ASAP2: variants seen among roughly 807,000 people sequenced by gnomAD.
The protein encoded by ASAP2 is arf-GAP with SH3 domain, ANK repeat and PH domain-containing protein 2.
In ASAP2, 45 loss-of-function variants were observed where a neutral mutation model predicts 131.4. That is an observed-to-expected ratio of 0.34 (90% CI 0.27 to 0.44). The LOEUF (loss-of-function observed/expected upper bound fraction) is 0.44, where lower values mean the gene tolerates loss of function less well. Ranked by LOEUF, ASAP2 falls within the 20% of genes least tolerant of loss-of-function variation. The probability of loss-of-function intolerance (pLI) is 1.00; values close to 1 mark genes in which losing one functional copy is unlikely to be tolerated. For missense variants in ASAP2, 1,011 were observed against 1,297.0 expected (o/e 0.78, Z 3.39); for synonymous variants, 510 against 503.0 (o/e 1.01, Z -0.19).
chr2:9,284,282 T>TC (rs1236732884), intron 2 of ASAP2, among the ~76,000 whole-genome samples: 2 of 152,214 alleles, frequency 1.3e-5, no homozygotes, highest in Non-Finnish European at 2.9e-5. Flanking sequence ...ACTGTTTTGT[T>TC]CAGCTACAAA....
At chr2:9,262,892 C>G (rs948327918) in intron 1 of ASAP2, among the ~76,000 whole-genome samples, 1 of 152,198 alleles carries the variant, frequency 6.6e-6, no homozygotes, top group African/African-American at 2.4e-5. Context: ...AAAGAAAACT[C>G]GGCTATCTTA....
chr2:9,295,008 C>A (rs542725001), intron 2 of ASAP2, among the ~76,000 whole-genome samples: 26 of 152,258 alleles, frequency 1.7e-4, no homozygotes, highest in Non-Finnish European at 3.1e-4. Flanking sequence ...ATGTCTTGAC[C>A]GCTAATTTTG....
intron 1 of ASAP2, among the ~76,000 whole-genome samples, chr2:9,246,790 A>G (rs910363862): frequency 1.3e-5 from 2 of 152,004 alleles, no homozygotes; most frequent in Non-Finnish European, 2.9e-5. Flanking sequence ...TTCCTGGGAT[A>G]CTCCTGGCTT....
chr2:9,258,553 A>G (rs1242544543), intron 1 of ASAP2, among the ~76,000 whole-genome samples: 3 of 152,140 alleles, frequency 2.0e-5, no homozygotes, highest in African/African-American at 7.2e-5. Flanking sequence ...GACAGTCTCC[A>G]TGGTGCCCCC....
chr2:9,345,391 A>G (rs1307481262), intron 11 of ASAP2, among the ~76,000 whole-genome samples: 2 of 152,190 alleles, frequency 1.3e-5, no homozygotes, highest in South Asian at 2.1e-4. Flanking sequence ...TGTTGAGCTT[A>G]TGAAAAGCCG....
intron 19 of ASAP2, among the ~76,000 whole-genome samples, chr2:9,380,182 GTT>G (rs1196071551): frequency 2.7e-5 from 4 of 146,142 alleles, no homozygotes; most frequent in African/African-American, 1.1e-4. Context: ...TGCTTCAACA[GTT>G]TTTGTTTTTG....
At chr2:9,215,843 G>A (rs775689422) in intron 1 of ASAP2, among the ~76,000 whole-genome samples, 6 of 152,124 alleles carry the variant, frequency 3.9e-5, no homozygotes, top group Non-Finnish European at 8.8e-5. Context: ...GTTTAGAAGC[G>A]CTCTTGGCGG....
intron 24 of ASAP2, 123 bp from the exon 25 acceptor site, chr2:9,399,900 C>G (rs1676479094): frequency 1.1e-6 from 1 of 916,084 alleles, no homozygotes; most frequent in Non-Finnish European, 1.7e-6. Context: ...AGCTAAGTGA[C>G]AGTGGAGGAA....
At chr2:9,345,686 G>A (rs1319756966) in intron 11 of ASAP2, among the ~76,000 whole-genome samples, 1 of 152,022 alleles carries the variant, frequency 6.6e-6, no homozygotes, top group African/African-American at 2.4e-5. Context: ...GCAGCCTTGG[G>A]CGTGTGAGTG....
At chr2:9,247,270 A>T (rs1334563440) in intron 1 of ASAP2, among the ~76,000 whole-genome samples, 1 of 152,044 alleles carries the variant, frequency 6.6e-6, no homozygotes, top group Non-Finnish European at 1.5e-5. Context: ...ATGAGGATGA[A>T]CTCTTCGCTC....
intron 9 of ASAP2, among the ~76,000 whole-genome samples, chr2:9,336,946 A>G (rs1255261344): frequency 2.0e-5 from 3 of 152,240 alleles, no homozygotes; most frequent in Non-Finnish European, 4.4e-5. Flanking sequence ...CTGGGGCCAA[A>G]TGGCCCTCTG....
At chr2:9,297,588 T>C in intron 3 of ASAP2, 143 bp downstream of exon 3, 4 of 975,118 alleles carry the variant, frequency 4.1e-6, no homozygotes, top group African/African-American at 1.6e-5. Flanking sequence ...TTTATACACA[T>C]TGGGTCAGTT....
intron 11 of ASAP2, among the ~76,000 whole-genome samples, chr2:9,349,602 A>G (rs746223828): frequency 6.6e-6 from 1 of 152,244 alleles, no homozygotes; most frequent in African/African-American, 2.4e-5. Context: ...TCTACAGATT[A>G]TGGAGAATAT....
chr2:9,390,974 A>C (rs2148793972), intron 22 of ASAP2, 88 bp from the exon 23 acceptor site: 1 of 1,597,274 alleles, frequency 6.3e-7, no homozygotes, highest in East Asian at 2.2e-5. Flanking sequence ...GGGGAGGATC[A>C]ATAACGCAGT....
intron 3 of ASAP2, among the ~76,000 whole-genome samples, chr2:9,301,327 G>A (rs1014242990): frequency 2.6e-5 from 4 of 152,180 alleles, no homozygotes; most frequent in African/African-American, 4.8e-5. Flanking sequence ...TTACTAATGG[G>A]TGAGATTCTC....
intron 3 of ASAP2, among the ~76,000 whole-genome samples, chr2:9,298,690 T>C (rs1668301544): frequency 6.6e-6 from 1 of 152,108 alleles, no homozygotes; most frequent in Non-Finnish European, 1.5e-5. Context: ...CTGGAGAAAC[T>C]GCATGGGCCC....
At chr2:9,321,526 T>C (rs1670146645) in intron 5 of ASAP2, among the ~76,000 whole-genome samples, 1 of 152,152 alleles carries the variant, frequency 6.6e-6, no homozygotes, top group Non-Finnish European at 1.5e-5. Context: ...AGCGGATTCC[T>C]GCTTTGCAGA....
chr2:9,222,123 T>TG (rs1662468153), intron 1 of ASAP2, among the ~76,000 whole-genome samples: 1 of 152,246 alleles, frequency 6.6e-6, no homozygotes, highest in Non-Finnish European at 1.5e-5. Context: ...GATCAGTTCT[T>TG]AATCATCTTT....
At chr2:9,346,103 G>C (rs183541705) in intron 11 of ASAP2, among the ~76,000 whole-genome samples, 2 of 152,002 alleles carry the variant, frequency 1.3e-5, no homozygotes, top group Non-Finnish European at 2.9e-5. Context: ...CCCTGCCCCC[G>C]CGACCCCAGG....
Sources: gnomAD v4.1 joint callset for allele counts (sites outside exome capture counted in the v4.1 genomes callset) on GRCh38, gnomAD v4.1.1 for gene constraint, MANE v1.5 for transcripts, NCBI Gene and HGNC (gene_info 2026-07-23, HGNC 2026-07-21) for gene names.